Variants in PLA1A observed in about 807,000 individuals in gnomAD.
PLA1A encodes phospholipase A1 member A, also known as phosphatidylserine-specific phospholipase A1alpha.
In PLA1A, 47 loss-of-function variants were observed where a neutral mutation model predicts 49.4. The ratio of observed to expected loss-of-function variants is 0.95; its 90% CI spans 0.75 to 1.21. PLA1A has a LOEUF of 1.21. Among genes scored for constraint, PLA1A ranks in the 50% most tolerant of loss-of-function variants. The pLI is 0.00. For synonymous variants in PLA1A, 224 were observed against 207.9 expected (o/e 1.08, Z -0.67); for missense variants, 561 against 563.9 (o/e 0.99, Z 0.05).
At chr3:119,626,746 C>T (rs762996428) in intron 9 of PLA1A, among the ~76,000 whole-genome samples, 3 of 152,160 alleles carry the variant, frequency 2.0e-5, no homozygotes, top group East Asian at 1.9e-4. Flanking sequence ...CTCCCAAAAC[C>T]GTGGCCACTA....
intron 5 of PLA1A, 80 bp downstream of exon 5, chr3:119,613,198 C>G (rs113180769): frequency 9.3e-5 from 84 of 900,772 alleles, no homozygotes; most frequent in Middle Eastern, 6.1e-4. Context: ...CTCTGTGGCC[C>G]TGGGCAGAGA....
chr3:119,598,116 A>T (rs1180015921), intron 1 of PLA1A, 130 bp downstream of exon 1: 1 of 542,060 alleles, frequency 1.8e-6, no homozygotes, highest in Non-Finnish European at 3.3e-6. Context: ...TGAATTTAAA[A>T]CAGTAGGGGA....
At chr3:119,613,893 C>A (rs1274301834) in intron 5 of PLA1A, among the ~76,000 whole-genome samples, 37 of 146,710 alleles carry the variant, frequency 2.5e-4, no homozygotes, top group African/African-American at 4.4e-4. Context: ...ACTCTGTCTC[C>A]AAAAAAAAGA....
chr3:119,622,729 C>G (rs770263975), intron 8 of PLA1A, among the ~76,000 whole-genome samples: 1 of 151,996 alleles, frequency 6.6e-6, no homozygotes, highest in Non-Finnish European at 1.5e-5. Flanking sequence ...GGGAAAATTC[C>G]GAGACTAAAG....
At chr3:119,607,412 A>C (rs952515931) in intron 2 of PLA1A, among the ~76,000 whole-genome samples, 1 of 152,192 alleles carries the variant, frequency 6.6e-6, no homozygotes, top group African/African-American at 2.4e-5. Context: ...TCCAGTCCAC[A>C]ATTTGTTGTA....
chr3:119,619,959 A>G, intron 8 of PLA1A: 1 of 451,070 alleles, frequency 2.2e-6, no homozygotes, highest in South Asian at 1.8e-5. Flanking sequence ...TCCTTTCTGC[A>G]CTCTCATTTC....
intron 7 of PLA1A, among the ~76,000 whole-genome samples, chr3:119,618,866 G>A (rs576317574): frequency 1.3e-5 from 2 of 152,166 alleles, no homozygotes; most frequent in African/African-American, 2.4e-5. Context: ...AACTGCAGCA[G>A]CCTGTCACTG....
intron 1 of PLA1A, among the ~76,000 whole-genome samples, chr3:119,600,023 A>C (rs1003135189): frequency 6.6e-6 from 1 of 152,056 alleles, no homozygotes; most frequent in African/African-American, 2.4e-5. Context: ...CAAAGGGAAA[A>C]GGAAAAAGGA....
At chr3:119,605,457 A>G (rs2082673806) in intron 1 of PLA1A, among the ~76,000 whole-genome samples, 1 of 152,216 alleles carries the variant, frequency 6.6e-6, no homozygotes. Flanking sequence ...GTTGTATATG[A>G]GCTCCCAGTT....
At chr3:119,625,738 G>A (rs1009287838) in intron 9 of PLA1A, among the ~76,000 whole-genome samples, 1 of 152,178 alleles carries the variant, frequency 6.6e-6, no homozygotes, top group Non-Finnish European at 1.5e-5. Flanking sequence ...CGGCCAGGAG[G>A]GCTTGGTGCT....
chr3:119,613,092 T>C lies in PLA1A; in HGVS notation c.638T>C (p.Val213Ala). Residue 213 changes from valine (V) to alanine (A), a missense_variant, in exon 5 of 11, where the codon GTG becomes GCG. Coordinates refer to ENST00000273371, the MANE Select transcript of PLA1A (RefSeq NM_015900.4). ...TTGGATGCTGGAGATGCCCTCTTCGTGGAAGCCATCCACACAGACACCGAC... is the reference window on the plus strand; with the variant it reads ...TTGGATGCTGGAGATGCCCTCTTCGCGGAAGCCATCCACACAGACACCGAC... Reference protein sequence around the residue: ...ERLDAGDALFVEAIHTDTDNL... With the variant: ...ERLDAGDALFAEAIHTDTDNL... 1.2e-6 allele frequency: 2 copies of C among 1,608,656 alleles called. No homozygotes were observed. The highest frequency in any genetic ancestry group is 1.7e-6 in the Non-Finnish European group (2 of 1,177,324).
intron 9 of PLA1A, among the ~76,000 whole-genome samples, chr3:119,626,593 A>C (rs2052542179): frequency 6.6e-6 from 1 of 152,152 alleles, no homozygotes; most frequent in Admixed American, 6.5e-5. Context: ...TTATCCTGAG[A>C]GTAGTTTGGA....
intron 6 of PLA1A, 40 bp downstream of exon 6, chr3:119,616,141 A>C (rs761731145): frequency 7.3e-6 from 9 of 1,239,646 alleles, no homozygotes; most frequent in Non-Finnish European, 1.1e-5. Flanking sequence ...GCAACCCCGG[A>C]GATTGAAATT....
rs564370806 is a variant in PLA1A, at chr3:119,607,469, A to G, written c.275+494A>G. 2.0e-5 allele frequency among the ~76,000 whole-genome samples: 3 copies of G among 152,338 alleles called. No individual in the cohort carries two copies. The East Asian group carries it at 5.8e-4, about 29-fold the overall frequency. ...ATTCCAATCACCATCCTTTCTTTGA[A>G]CAGCTTTTCTCCAAAGCCCATCTAT... On this transcript the variant is annotated intron_variant, in intron 2 of 10. Coordinates refer to ENST00000273371, the MANE Select transcript of PLA1A (RefSeq NM_015900.4).
chr3:119,601,472 C>A (rs937133559), intron 1 of PLA1A, among the ~76,000 whole-genome samples: 1 of 152,212 alleles, frequency 6.6e-6, no homozygotes, highest in Non-Finnish European at 1.5e-5. Context: ...AGGCTATTTT[C>A]AGACTCAGAC....
intron 1 of PLA1A, among the ~76,000 whole-genome samples, chr3:119,604,473 A>C (rs2082660131): frequency 6.6e-6 from 1 of 152,218 alleles, no homozygotes; most frequent in Non-Finnish European, 1.5e-5. Context: ...ACATGGATGG[A>C]ACTGGAGGCC....
At position 119,625,130 on chromosome 3, in the gene PLA1A, A is replaced by G; in HGVS notation, c.1019A>G (p.His340Arg). ...TTGTGCTTTGGTTTCCTAGTGCATCACAGCCTCGTGGAGTTTCACTTGAAG... is the reference window on the plus strand; with the variant it reads ...TTGTGCTTTGGTTTCCTAGTGCATCGCAGCCTCGTGGAGTTTCACTTGAAG... ...TTSSAPYCMH[H>R]SLVEFHLKEL... The change falls in exon 9 of 11, where the codon CAC becomes CGC. Residue 340 changes from histidine (H) to arginine (R), a missense_variant. Coordinates refer to ENST00000273371, the MANE Select transcript of PLA1A (RefSeq NM_015900.4). The G allele has an allele frequency of 6.2e-7, 1 of 1,611,172 alleles. No homozygotes were observed. Among genetic ancestry groups the G allele is most frequent in the Non-Finnish European group, 8.5e-7 (1 of 1,177,352 alleles).
At chr3:119,617,501 C>T (rs922554145) in intron 6 of PLA1A, among the ~76,000 whole-genome samples, 15 of 151,858 alleles carry the variant, frequency 9.9e-5, no homozygotes, top group Admixed American at 7.2e-4. Context: ...TCAGCACTCT[C>T]GGAGGTTGAG....
intron 8 of PLA1A, among the ~76,000 whole-genome samples, chr3:119,620,634 C>T (rs1029212676): frequency 6.6e-6 from 1 of 152,204 alleles, no homozygotes; most frequent in Non-Finnish European, 1.5e-5. Context: ...AAATGGTGCA[C>T]AGGAGATCAC....
Sources: gnomAD v4.1 joint callset for allele counts (sites outside exome capture counted in the v4.1 genomes callset) on GRCh38, gnomAD v4.1.1 for gene constraint, MANE v1.5 for transcripts, NCBI Gene and HGNC (gene_info 2026-07-23, HGNC 2026-07-21) for gene names.